OPCML: variants seen among roughly 807,000 people sequenced by gnomAD.
OPCML encodes the protein opioid-binding protein/cell adhesion molecule.
In OPCML, 13 loss-of-function variants were observed where a neutral mutation model predicts 37.8. The observed-to-expected ratio is 0.34, with a 90% confidence interval of 0.22 to 0.55. The LOEUF (loss-of-function observed/expected upper bound fraction) is 0.55, where lower values mean the gene tolerates loss of function less well. OPCML is among the 20% of genes least tolerant of loss of function. The pLI, the probability that OPCML is intolerant of heterozygous loss-of-function variation, is 0.91. For synonymous variants in OPCML, 176 were observed against 168.8 expected (o/e 1.04, Z -0.33); for missense variants, 341 against 435.6 (o/e 0.78, Z 1.93).
At chr11:133,308,202 A>G (rs1239244885) in intron 1 of OPCML, among the ~76,000 whole-genome samples, 1 of 152,162 alleles carries the variant, frequency 6.6e-6, no homozygotes, top group African/African-American at 2.4e-5. Context: ...AATCACCAGC[A>G]ATACCTGTTT....
chr11:132,895,724 C>A (rs1943813204), intron 2 of OPCML, among the ~76,000 whole-genome samples: 1 of 152,058 alleles, frequency 6.6e-6, no homozygotes, highest in Non-Finnish European at 1.5e-5. Context: ...AGGAGTTAAC[C>A]CTGCATTGTC....
At chr11:133,019,993 G>A (rs750932149) in intron 1 of OPCML, among the ~76,000 whole-genome samples, 2 of 152,164 alleles carry the variant, frequency 1.3e-5, no homozygotes, top group Admixed American at 6.5e-5. Context: ...GCTGCTAATC[G>A]AAGCAGCACG....
chr11:133,258,133 C>T (rs956877918), intron 1 of OPCML, among the ~76,000 whole-genome samples: 4 of 152,264 alleles, frequency 2.6e-5, no homozygotes, highest in Admixed American at 6.5e-5. Context: ...CCCTGGGGTC[C>T]CCTTGCCTTA....
intron 1 of OPCML, among the ~76,000 whole-genome samples, chr11:133,131,597 C>T (rs900018481): frequency 1.3e-5 from 2 of 152,178 alleles, no homozygotes; most frequent in Non-Finnish European, 2.9e-5. Flanking sequence ...ATTTTGAAGA[C>T]AGTGTGCAGT....
intron 1 of OPCML, chr11:133,067,567 A>T (rs1053765207): frequency 3.3e-5 from 5 of 152,196 alleles, no homozygotes; most frequent in Non-Finnish European, 1.5e-5. Context: ...TTAGAGCTGC[A>T]CTAGCCTGGC....
At chr11:133,514,862 C>T (rs1948231585) in intron 1 of OPCML, among the ~76,000 whole-genome samples, 1 of 152,142 alleles carries the variant, frequency 6.6e-6, no homozygotes, top group South Asian at 2.1e-4. Flanking sequence ...TTGCTGGAAC[C>T]ATTTGCCTGG....
intron 1 of OPCML, among the ~76,000 whole-genome samples, chr11:133,338,479 T>C (rs932059770): frequency 1.3e-5 from 2 of 152,182 alleles, no homozygotes; most frequent in Non-Finnish European, 2.9e-5. Flanking sequence ...GTTCCTGAGC[T>C]TTAGCTTTGC....
At chr11:133,008,407 G>A (rs1947153160) in intron 1 of OPCML, 1 of 985,324 alleles carries the variant, frequency 1.0e-6, no homozygotes, top group Admixed American at 6.1e-5. Flanking sequence ...ATTGTGCTCA[G>A]GAGGTCCTTT....
At chr11:132,928,218 T>C (rs1390383277) in intron 2 of OPCML, among the ~76,000 whole-genome samples, 1 of 151,988 alleles carries the variant, frequency 6.6e-6, no homozygotes, top group Non-Finnish European at 1.5e-5. Flanking sequence ...CATCCAACTA[T>C]ATGCTGTGTC....
chr11:133,361,809 C>G (rs1163787619), intron 1 of OPCML: 1 of 153,092 alleles, frequency 6.5e-6, no homozygotes. Flanking sequence ...TCTGCCTCCA[C>G]AGTTGCCGAA....
At chr11:133,077,594 G>A (rs1948643969) in intron 1 of OPCML, among the ~76,000 whole-genome samples, 1 of 152,132 alleles carries the variant, frequency 6.6e-6, no homozygotes, top group African/African-American at 2.4e-5. Flanking sequence ...GAAAAATGAT[G>A]ACTGAGGATG....
intron 2 of OPCML, among the ~76,000 whole-genome samples, chr11:132,680,581 AGGGAGCTG>A (rs1199202170): frequency 6.6e-6 from 1 of 152,218 alleles, no homozygotes; most frequent in Non-Finnish European, 1.5e-5. Context: ...TGAGTGGAAG[AGGGAGCTG>A]GGGCGGCTGC....
chr11:133,194,076 C>A (rs1025743110), intron 1 of OPCML, among the ~76,000 whole-genome samples: 10 of 152,048 alleles, frequency 6.6e-5, no homozygotes, highest in Admixed American at 5.9e-4. Flanking sequence ...AAGAATGTTG[C>A]CTAGTTGAGG....
intron 3 of OPCML, among the ~76,000 whole-genome samples, chr11:132,581,635 C>T (rs1052156046): frequency 1.3e-5 from 2 of 152,194 alleles, no homozygotes; most frequent in African/African-American, 4.8e-5. Context: ...CACCTCCCTA[C>T]ATCTTAAACC....
At chr11:132,858,647 G>T (rs1460254743) in intron 2 of OPCML, among the ~76,000 whole-genome samples, 1 of 152,102 alleles carries the variant, frequency 6.6e-6, no homozygotes, top group Non-Finnish European at 1.5e-5. Flanking sequence ...TCCTGACTCT[G>T]GTAGCAGCAT....
intron 1 of OPCML, among the ~76,000 whole-genome samples, chr11:133,147,696 TC>T (rs1949917268): frequency 6.6e-6 from 1 of 151,794 alleles, no homozygotes; most frequent in African/African-American, 2.4e-5. Context: ...TCTCACCACA[TC>T]CCCCTTTAAA....
At chr11:133,016,104 G>T (rs1225252850) in intron 1 of OPCML, among the ~76,000 whole-genome samples, 1 of 152,224 alleles carries the variant, frequency 6.6e-6, no homozygotes, top group South Asian at 2.1e-4. Context: ...TATTTCTGAA[G>T]TGTAGTCATT....
At chr11:132,962,446 C>T (rs1475742237) in intron 1 of OPCML, among the ~76,000 whole-genome samples, 1 of 152,230 alleles carries the variant, frequency 6.6e-6, no homozygotes, top group Non-Finnish European at 1.5e-5. Flanking sequence ...GCCTGTGCAT[C>T]ATCAGTTTGC....
intron 1 of OPCML, among the ~76,000 whole-genome samples, chr11:133,416,428 C>G (rs570147675): frequency 6.6e-6 from 1 of 152,310 alleles, no homozygotes; most frequent in African/African-American, 2.4e-5. Context: ...ATAAGCTGGA[C>G]TAACTCTGCC....
Sources: allele counts gnomAD v4.1 joint callset (sites outside exome capture counted in the v4.1 genomes callset), GRCh38; gene constraint gnomAD v4.1.1; transcripts MANE v1.5; gene names NCBI Gene and HGNC (gene_info 2026-07-23, HGNC 2026-07-21).